Variants in ZSWIM7 observed in about 807,000 individuals in gnomAD.
ZSWIM7 encodes zinc finger SWIM domain-containing protein 7.
ZSWIM7 carries 22 observed loss-of-function variants against 21.1 expected under a neutral mutation model. The observed-to-expected ratio is 1.04, with a 90% CI of 0.74 to 1.49. ZSWIM7 has a LOEUF of 1.49. ZSWIM7 is among the 40% of genes most tolerant of loss of function. The pLI, the probability that ZSWIM7 is intolerant of heterozygous loss-of-function variation, is 0.00. For synonymous variants in ZSWIM7, 67 were observed against 66.5 expected (o/e 1.01, Z -0.04); for missense variants, 193 against 168.0 (o/e 1.15, Z -0.82).
chr17:15,979,501 G>C (rs1970321015), intron 4 of ZSWIM7, among the ~76,000 whole-genome samples: 1 of 152,156 alleles, frequency 6.6e-6, no homozygotes, highest in African/African-American at 2.4e-5. Flanking sequence ...ATGAGCTGTT[G>C]GGTACACCTC....
At chr17:15,987,660 GA>G (rs1166510729) in intron 2 of ZSWIM7, among the ~76,000 whole-genome samples, 2 of 151,774 alleles carry the variant, frequency 1.3e-5, no homozygotes, top group Non-Finnish European at 2.9e-5. Flanking sequence ...GCCCAGGCTG[GA>G]GTGCAATGGC....
At chr17:15,996,455 G>A (rs1273871718) in intron 1 of ZSWIM7, among the ~76,000 whole-genome samples, 1 of 152,044 alleles carries the variant, frequency 6.6e-6, no homozygotes, top group Non-Finnish European at 1.5e-5. Context: ...AGAGTAGCCT[G>A]GGCAACAAAG....
intron 1 of ZSWIM7, among the ~76,000 whole-genome samples, chr17:15,997,071 G>C (rs1970563874): frequency 6.6e-6 from 1 of 151,328 alleles, no homozygotes. Flanking sequence ...GGCTGAGGTG[G>C]GAGGATCATC....
intron 4 of ZSWIM7, among the ~76,000 whole-genome samples, chr17:15,979,800 C>G (rs1444102265): frequency 8.4e-6 from 1 of 118,488 alleles, no homozygotes; most frequent in African/African-American, 3.4e-5. Context: ...GGGGGCTGAC[C>G]CCCCCACCTC....
rs146361656 is a variant in ZSWIM7 at position 15,996,330 on chromosome 17, C to T, written c.77-2552G>A. Among the ~76,000 whole-genome samples the T allele has an allele frequency of 1.9e-4, 29 of 151,868 alleles. 2 individuals are homozygous for T. The highest frequency in any genetic ancestry group is 7.0e-4 in the African/African-American group (29 of 41,436). On this transcript the variant is annotated intron_variant, in intron 1 of 4. Coordinates refer to ENST00000399277, the MANE Select transcript of ZSWIM7 (RefSeq NM_001042697.2). ...AAAAAAACCCAAAAAAACAAAAAAA[C>T]CCCACAACTTTTTCAGACATAAGCC...
chr17:15,994,034 C>T (rs944956712), intron 1 of ZSWIM7, among the ~76,000 whole-genome samples: 6 of 152,174 alleles, frequency 3.9e-5, no homozygotes, highest in Admixed American at 1.3e-4. Flanking sequence ...CTGCAACCTC[C>T]GCCTCCCGGG....
At chr17:15,998,711 T>TC (rs1970602188) in intron 1 of ZSWIM7, among the ~76,000 whole-genome samples, 2 of 151,256 alleles carry the variant, frequency 1.3e-5, no homozygotes, top group Admixed American at 6.6e-5. Flanking sequence ...CCAGATTTAC[T>TC]CCAACGATTG....
chr17:15,979,279 A>G (rs1335570068), intron 4 of ZSWIM7, among the ~76,000 whole-genome samples: 2 of 151,598 alleles, frequency 1.3e-5, no homozygotes, highest in South Asian at 2.1e-4. Flanking sequence ...GACACAGCAC[A>G]TGTTTCAGAG....
At position 15,981,057 on chromosome 17, in the gene ZSWIM7, T is replaced by A; in HGVS notation, c.289A>T (p.Lys97Ter). The change falls in exon 4 of 5, where the codon AAG becomes TAG. Residue 97 changes from lysine (K) to a stop codon, truncating the protein, a stop_gained. Transcript: ENST00000399277. LOFTEE classifies it high-confidence loss of function. ...CPAFAFSVLR[K>*]SDSILCKHLL... ...ATCCTCACCAGGATGCTGTCACTCT[T>A]CCGTAGCACTGAGAATGCAAATGCA... 1.9e-6 allele frequency: 3 copies of A among 1,613,606 alleles called. No homozygotes were observed. The highest frequency in any genetic ancestry group is 2.5e-6 in the Non-Finnish European group (3 of 1,179,644).
intron 4 of ZSWIM7, among the ~76,000 whole-genome samples, chr17:15,979,367 G>A (rs1039291127): frequency 3.3e-5 from 5 of 152,266 alleles, no homozygotes; most frequent in Admixed American, 2.0e-4. Context: ...GAACAAAATG[G>A]AAAGTCTCCC....
rs1179511932 is a variant in ZSWIM7, at chr17:15,977,454, C to G, written c.*593G>C. The G allele has an allele frequency of 6.6e-6, 1 of 152,228 alleles. No homozygotes were observed. Among genetic ancestry groups the G allele is most frequent in the Non-Finnish European group, 1.5e-5 (1 of 68,136 alleles). 9.4% of individuals were successfully genotyped at this position (152,228 alleles called of 1,614,324 possible). On this transcript the variant is annotated 3_prime_UTR_variant, in exon 5 of 5. Coordinates refer to ENST00000399277, the MANE Select transcript of ZSWIM7 (RefSeq NM_001042697.2). ...GTGGCTCATGCATGTAATTCCAGCA[C>G]TTTGGGAGGTCGAGGCGGGCAGACC...
chr17:15,980,697 G>C (rs548921955), intron 4 of ZSWIM7, among the ~76,000 whole-genome samples: 2 of 152,316 alleles, frequency 1.3e-5, no homozygotes, highest in Middle Eastern at 3.4e-3. Flanking sequence ...CCACATGGCT[G>C]AAAGTAGGAT....
chr17:15,981,666 T>C (rs537416867), intron 3 of ZSWIM7, among the ~76,000 whole-genome samples: 18 of 152,104 alleles, frequency 1.2e-4, no homozygotes, highest in African/African-American at 3.9e-4. Context: ...CCCAGCACTT[T>C]GGGAGGTCGA....
At chr17:15,989,605 A>G (rs1970456600) in intron 2 of ZSWIM7, among the ~76,000 whole-genome samples, 1 of 152,060 alleles carries the variant, frequency 6.6e-6, no homozygotes, top group Non-Finnish European at 1.5e-5. Flanking sequence ...GGTGTGAGCC[A>G]GCGTGTCTGG....
intron 2 of ZSWIM7, among the ~76,000 whole-genome samples, chr17:15,987,861 C>T (rs1159501788): frequency 2.6e-5 from 4 of 152,100 alleles, no homozygotes; most frequent in East Asian, 3.9e-4. Context: ...CCACCTGCCT[C>T]GGCCTCCCAA....
At chr17:15,995,972 T>G (rs1597443224) in intron 1 of ZSWIM7, among the ~76,000 whole-genome samples, 1 of 152,258 alleles carries the variant, frequency 6.6e-6, no homozygotes, top group East Asian at 1.9e-4. Context: ...GGAGTAACAC[T>G]AGAAGCTAAG....
chr17:15,983,874 A>G (rs1970382635), intron 3 of ZSWIM7, among the ~76,000 whole-genome samples: 1 of 152,088 alleles, frequency 6.6e-6, no homozygotes, highest in African/African-American at 2.4e-5. Context: ...AGCATGAACC[A>G]CCACTCCCGG....
chr17:15,987,210 G>A lies in ZSWIM7; in HGVS notation c.201+56C>T, dbSNP rs866810348. 9 of 1,405,222 alleles carry A rather than the reference G, an allele frequency of 6.4e-6. No homozygotes were observed. In the Middle Eastern group the frequency reaches 1.6e-3, roughly 253 times the overall value. The allele number at this position is 1,405,222 out of a possible 1,614,324, so 87.0% of individuals were successfully genotyped here. ...AGTCAACAGCTTCTACAGAGATGAA[G>A]AACATTTTGTCCTAAGGGGTTTCTG... On this transcript the variant is annotated intron_variant, in intron 3 of 4. Coordinates refer to ENST00000399277, the MANE Select transcript of ZSWIM7 (RefSeq NM_001042697.2).
intron 1 of ZSWIM7, chr17:15,999,295 C>T (rs1970627981): frequency 1.5e-6 from 1 of 666,390 alleles, no homozygotes; most frequent in African/African-American, 1.8e-5. Context: ...TGCAACTGCG[C>T]TGTACCGTAA....
Sources: allele counts gnomAD v4.1 joint callset (sites outside exome capture counted in the v4.1 genomes callset), GRCh38; gene constraint gnomAD v4.1.1; transcripts MANE v1.5; gene names NCBI Gene and HGNC (gene_info 2026-07-23, HGNC 2026-07-21).